Variants in CLEC2D observed in about 807,000 individuals in gnomAD.
CLEC2D encodes C-type lectin domain family 2 member D, also known as C-type lectin related f.
Under a neutral mutation model 20.0 loss-of-function variants are expected in CLEC2D, and 16 were observed. The observed-to-expected ratio is 0.80, with a 90% confidence interval of 0.54 to 1.22. CLEC2D has a LOEUF of 1.22. CLEC2D is among the 50% of genes most tolerant of loss of function. The pLI, the probability that CLEC2D is intolerant of heterozygous loss-of-function variation, is 0.00. For missense variants in CLEC2D, 207 were observed against 221.5 expected (o/e 0.93, Z 0.42); for synonymous variants, 77 against 71.1 (o/e 1.08, Z -0.42).
In CLEC2D at chr12:9,698,831, ACCT is replaced by A. The variant is rs1020244296; in HGVS notation, c.*3965_*3967del. 2.6e-4 allele frequency: 39 copies of A among 152,172 alleles called. No individual in the cohort carries two copies. Among genetic ancestry groups the A allele is most frequent in the African/African-American group, 9.2e-4 (38 of 41,524 alleles). The allele number at this position is 152,172 out of a possible 1,614,324, so 9.4% of individuals were successfully genotyped here. A position where few individuals can be genotyped will look rare whatever the true frequency, so the allele number is the denominator to read the frequency against. On this transcript the variant is annotated 3_prime_UTR_variant, in exon 5 of 5. Coordinates refer to ENST00000290855, the MANE Select transcript of CLEC2D (RefSeq NM_013269.6). ...CTAAAGAAGACTCGAGGTCTCTCTG[ACCT>A]CCTCCTCAACCTCTGTTTCTTAATC...
Position 9,695,889 on chromosome 12 carries a change from T to TGATGAC in CLEC2D, c.*1018_*1023dup. 9.1e-7 allele frequency: 1 copy of TGATGAC among 1,102,394 alleles called. No individual in the cohort carries two copies. Among genetic ancestry groups the TGATGAC allele is most frequent in the East Asian group, 2.3e-5 (1 of 42,630 alleles). 68.3% of individuals were successfully genotyped at this position (1,102,394 alleles called of 1,614,324 possible). On this transcript the variant is annotated 3_prime_UTR_variant, in exon 5 of 5. Coordinates refer to ENST00000290855, the MANE Select transcript of CLEC2D (RefSeq NM_013269.6). ...ATGATGATGAAGATGATGATGATGA[T>TGATGAC]GATGACGAGGAAGCTGAAGAAAAAG...
At chr12:9,675,021 G>C (rs946821912) in intron 1 of CLEC2D, among the ~76,000 whole-genome samples, 1 of 152,088 alleles carries the variant, frequency 6.6e-6, no homozygotes, top group African/African-American at 2.4e-5. Context: ...TCATTTATTT[G>C]TATGTGGGTG....
chr12:9,674,142 A>G (rs1430118364), intron 1 of CLEC2D: 6 of 152,190 alleles, frequency 3.9e-5, no homozygotes, highest in Admixed American at 3.9e-4. Context: ...TGGAGTATGT[A>G]AAAACTCCTG....
intron 2 of CLEC2D, among the ~76,000 whole-genome samples, chr12:9,683,967 A>C (rs186207484): frequency 6.6e-6 from 1 of 152,124 alleles, no homozygotes; most frequent in East Asian, 1.9e-4. Context: ...ACTTTGAGCT[A>C]TATGACTATT....
rs189511356 is a variant in CLEC2D, at chr12:9,687,424, G to T, written c.173-478G>T. ...GTGATGGGGAGTGGCTGTAAATACAGATGAAGCTTCACTTACTCATTCGCT... is the reference window on the plus strand; with the variant it reads ...GTGATGGGGAGTGGCTGTAAATACATATGAAGCTTCACTTACTCATTCGCT... On this transcript the variant is annotated intron_variant, in intron 2 of 4. Coordinates refer to ENST00000290855, the MANE Select transcript of CLEC2D (RefSeq NM_013269.6). 1.1e-3 allele frequency among the ~76,000 whole-genome samples: 160 copies of T among 152,314 alleles called. 1 individual carries two copies. Among genetic ancestry groups the T allele is most frequent in the Admixed American group, 1.6e-3 (25 of 15,310 alleles).
chr12:9,673,704 G>A (rs1316833793), intron 1 of CLEC2D, among the ~76,000 whole-genome samples: 1 of 152,222 alleles, frequency 6.6e-6, no homozygotes, highest in Non-Finnish European at 1.5e-5. Flanking sequence ...CTCTGACTCA[G>A]CGAGATGAGA....
At chr12:9,691,058 G>C (rs1030066315) in intron 3 of CLEC2D, among the ~76,000 whole-genome samples, 2 of 152,026 alleles carry the variant, frequency 1.3e-5, no homozygotes, top group African/African-American at 4.8e-5. Context: ...CAAAGAAGTT[G>C]AAAGTAAAAG....
intron 1 of CLEC2D, among the ~76,000 whole-genome samples, chr12:9,677,869 C>T (rs180678969): frequency 6.6e-6 from 1 of 152,190 alleles, no homozygotes; most frequent in Non-Finnish European, 1.5e-5. Context: ...GGAATACCGG[C>T]AAATACCACC....
chr12:9,696,159 T>A lies in CLEC2D; in HGVS notation c.*1285T>A, dbSNP rs761760589. 1.1e-6 allele frequency: 1 copy of A among 878,734 alleles called. No homozygotes were observed. The highest frequency in any genetic ancestry group is 1.6e-5 in the African/African-American group (1 of 61,340). The allele number at this position is 878,734 out of a possible 1,614,324, so 54.4% of individuals were successfully genotyped here. A position where few individuals can be genotyped will look rare whatever the true frequency, so the allele number is the denominator to read the frequency against. ...AAGTGGAAACCAAGTTCATCAATTATGTGAAGAATTTCTTCTGGATGACTG... is the reference window on the plus strand; with the variant it reads ...AAGTGGAAACCAAGTTCATCAATTAAGTGAAGAATTTCTTCTGGATGACTG... On this transcript the variant is annotated 3_prime_UTR_variant, in exon 5 of 5. Coordinates refer to ENST00000290855, the MANE Select transcript of CLEC2D (RefSeq NM_013269.6).
chr12:9,685,523 C>T (rs905662613), intron 2 of CLEC2D, among the ~76,000 whole-genome samples: 25 of 152,210 alleles, frequency 1.6e-4, no homozygotes, highest in Non-Finnish European at 8.8e-5. Flanking sequence ...GCCTTTCTTT[C>T]AGAGATGCCC....
intron 2 of CLEC2D, among the ~76,000 whole-genome samples, chr12:9,684,970 G>C (rs992883712): frequency 6.6e-6 from 1 of 152,102 alleles, no homozygotes; most frequent in Non-Finnish European, 1.5e-5. Context: ...GCTCCTCTTC[G>C]TACCTCTGGT....
At chr12:9,674,673 T>A (rs1187099368) in intron 1 of CLEC2D, among the ~76,000 whole-genome samples, 1 of 152,280 alleles carries the variant, frequency 6.6e-6, no homozygotes, top group African/African-American at 2.4e-5. Context: ...ATATTGTTAA[T>A]GTTTTAATGT....
At chr12:9,692,701 T>G in intron 3 of CLEC2D, 127 bp from the exon 4 acceptor site, 1 of 614,344 alleles carries the variant, frequency 1.6e-6, no homozygotes, top group Non-Finnish European at 2.9e-6. Flanking sequence ...CTGTATGTAT[T>G]ACTAAACAAT....
At chr12:9,670,856 A>G (rs937733025) in intron 1 of CLEC2D, among the ~76,000 whole-genome samples, 2 of 152,202 alleles carry the variant, frequency 1.3e-5, no homozygotes, top group African/African-American at 4.8e-5. Flanking sequence ...GAACTGTGCA[A>G]TGCTCTACTC....
At chr12:9,692,704 T>C (rs1230272435) in intron 3 of CLEC2D, 124 bp from the exon 4 acceptor site, 4 of 625,002 alleles carry the variant, frequency 6.4e-6, no homozygotes, top group Non-Finnish European at 1.1e-5. Context: ...TATGTATTAC[T>C]AAACAATACA....
intron 2 of CLEC2D, among the ~76,000 whole-genome samples, chr12:9,683,967 A>G (rs186207484): frequency 2.0e-5 from 3 of 152,006 alleles, no homozygotes; most frequent in Admixed American, 6.6e-5. Context: ...ACTTTGAGCT[A>G]TATGACTATT....
intron 3 of CLEC2D, among the ~76,000 whole-genome samples, chr12:9,691,179 C>T (rs1296119131): frequency 2.0e-5 from 3 of 151,544 alleles, no homozygotes; most frequent in South Asian, 2.1e-4. Flanking sequence ...AAAAGAAGGG[C>T]ATTATGCATT....
intron 4 of CLEC2D, chr12:9,693,329 A>T (rs1349496014): frequency 4.9e-6 from 2 of 411,246 alleles, no homozygotes; most frequent in African/African-American, 4.1e-5. Flanking sequence ...AATTATACCT[A>T]TTATTTAAAA....
At chr12:9,674,531 G>A (rs1468451885) in intron 1 of CLEC2D, among the ~76,000 whole-genome samples, 2 of 152,208 alleles carry the variant, frequency 1.3e-5, no homozygotes, top group Non-Finnish European at 2.9e-5. Flanking sequence ...AGCTGTTTCT[G>A]TTTGGCCATT....
Sources: gnomAD v4.1 joint callset for allele counts (sites outside exome capture counted in the v4.1 genomes callset) on GRCh38, gnomAD v4.1.1 for gene constraint, MANE v1.5 for transcripts, NCBI Gene and HGNC (gene_info 2026-07-23, HGNC 2026-07-21) for gene names.